SFMBT1: variants seen among roughly 807,000 people sequenced by gnomAD.
SFMBT1 encodes the protein scm-like with four MBT domains protein 1.
A neutral mutation model predicts 108.7 loss-of-function variants in SFMBT1; 32 were observed. That is an observed-to-expected ratio of 0.29 (90% CI 0.22 to 0.40). The LOEUF is 0.40. Among genes scored for constraint, SFMBT1 ranks in the 10% least tolerant of loss-of-function variants. The pLI is 1.00. For missense variants in SFMBT1, 816 were observed against 1,059.6 expected (o/e 0.77, Z 3.19); for synonymous variants, 348 against 369.5 (o/e 0.94, Z 0.67).
rs775989805 is a variant in SFMBT1 at position 52,966,005 on chromosome 3, C to CAAAA, written c.28+3092_28+3095dup. ...TGAGCGACAGAGCAAGACTCCGTTT[C>CAAAA]AAAAAAAAAAAAAAAAAAAAAATAG... On this transcript the variant is annotated intron_variant, in intron 2 of 20. Coordinates refer to ENST00000394752, the MANE Select transcript of SFMBT1 (RefSeq NM_016329.4). Among the ~76,000 whole-genome samples, 29 of 55,036 alleles carry CAAAA rather than the reference C, an allele frequency of 5.3e-4. 1 individual carries two copies. Among genetic ancestry groups the CAAAA allele is most frequent in the African/African-American group, 1.7e-3 (23 of 13,360 alleles). 36.1% of individuals were successfully genotyped at this position (55,036 alleles called of 152,430 possible).
At position 52,995,388 on chromosome 3, in the gene SFMBT1, G is replaced by T. The variant is rs1465780684; in HGVS notation, c.-130-26130C>A. On this transcript the variant is annotated intron_variant, in intron 1 of 20. Transcript: ENST00000394752. Reference sequence around the variant, plus strand: ...ATCTTTCTGAGCTTGGACTGGCAAAGAATTTTTATTTTTATTTTGAGGCAG... The same window carrying T: ...ATCTTTCTGAGCTTGGACTGGCAAATAATTTTTATTTTTATTTTGAGGCAG... Among the ~76,000 whole-genome samples, 8 of 150,156 alleles carry T rather than the reference G, an allele frequency of 5.3e-5. 1 individual carries two copies. Among genetic ancestry groups the T allele is most frequent in the East Asian group, 1.9e-4 (1 of 5,160 alleles).
chr3:53,045,703 A>G (rs1700215468), intron 1 of SFMBT1, 113 bp downstream of exon 1: 1 of 132,902 alleles, frequency 7.5e-6, no homozygotes, highest in Non-Finnish European at 1.6e-5. Context: ...TCCCGTTGGC[A>G]AAGTTGCGCG....
At chr3:52,985,570 G>A (rs1043733599) in intron 1 of SFMBT1, among the ~76,000 whole-genome samples, 4 of 152,090 alleles carry the variant, frequency 2.6e-5, no homozygotes, top group Non-Finnish European at 5.9e-5. Context: ...TTACAGATGA[G>A]GAAAAGTTAA....
intron 4 of SFMBT1, 114 bp from the exon 5 acceptor site, chr3:52,935,015 A>C (rs1702965735): frequency 1.4e-5 from 11 of 784,236 alleles, no homozygotes; most frequent in Non-Finnish European, 2.0e-5. Context: ...CTAAGAGTCC[A>C]ACATACTGCT....
chr3:52,953,433 C>T (rs1199757649), intron 3 of SFMBT1, among the ~76,000 whole-genome samples: 1 of 112,490 alleles, frequency 8.9e-6, no homozygotes, highest in African/African-American at 2.9e-5. Flanking sequence ...CACTGACCCC[C>T]TACCCCCCTC....
intron 1 of SFMBT1, among the ~76,000 whole-genome samples, chr3:53,005,358 G>A (rs887665892): frequency 1.8e-4 from 28 of 152,174 alleles, no homozygotes; most frequent in African/African-American, 5.3e-4. Context: ...CACCCAGGCC[G>A]AAGTGCAGTG....
At chr3:52,940,687 G>A (rs1299740195) in intron 4 of SFMBT1, among the ~76,000 whole-genome samples, 4 of 152,082 alleles carry the variant, frequency 2.6e-5, no homozygotes, top group African/African-American at 9.7e-5. Flanking sequence ...TTTATAAATG[G>A]ATACTAAGAA....
intron 1 of SFMBT1, among the ~76,000 whole-genome samples, chr3:53,004,701 A>C (rs1698679250): frequency 6.7e-6 from 1 of 150,294 alleles, no homozygotes; most frequent in South Asian, 2.1e-4. Context: ...TCTTGTGTAC[A>C]AAGAGAAATG....
chr3:52,918,620 C>T, intron 12 of SFMBT1, 94 bp from the exon 13 acceptor site: 1 of 691,038 alleles, frequency 1.4e-6, no homozygotes, highest in Non-Finnish European at 2.3e-6. Context: ...ATATTTAAAA[C>T]CTGGTTCTGT....
rs1698368870 is a variant in SFMBT1, at chr3:52,997,310, G to A, written c.-130-28052C>T. Among the ~76,000 whole-genome samples, 2 of 149,622 alleles carry A rather than the reference G, an allele frequency of 1.3e-5. 1 individual carries two copies. The highest frequency in any genetic ancestry group is 3.0e-5 in the Non-Finnish European group (2 of 66,808). ...CCCAGCACTTTGGGAGGCCGAGGGG[G>A]GCGGATCACGAGGTCAGGAGATCGG... On this transcript the variant is annotated intron_variant, in intron 1 of 20. Coordinates refer to ENST00000394752, the MANE Select transcript of SFMBT1 (RefSeq NM_016329.4).
At chr3:53,008,063 C>T (rs936633220) in intron 1 of SFMBT1, among the ~76,000 whole-genome samples, 7 of 111,394 alleles carry the variant, frequency 6.3e-5, no homozygotes, top group Non-Finnish European at 1.0e-4. Flanking sequence ...GCTTGCCCCA[C>T]CCCCGCAAAA....
chr3:52,928,040 AC>A, intron 9 of SFMBT1, 150 bp downstream of exon 9: 1 of 911,146 alleles, frequency 1.1e-6, no homozygotes, highest in Non-Finnish European at 1.6e-6. Context: ...TGGAATCTAG[AC>A]CTTTCCTTAT....
At chr3:53,020,785 G>A (rs566763959) in intron 1 of SFMBT1, among the ~76,000 whole-genome samples, 7 of 152,224 alleles carry the variant, frequency 4.6e-5, no homozygotes, top group East Asian at 1.9e-4. Context: ...GGCCGGGTAC[G>A]GTGGTTCACG....
At chr3:52,976,971 T>C (rs757913912) in intron 1 of SFMBT1, among the ~76,000 whole-genome samples, 1 of 152,190 alleles carries the variant, frequency 6.6e-6, no homozygotes, top group East Asian at 1.9e-4. Flanking sequence ...GGAGCACAAA[T>C]GGATATAGCC....
chr3:53,004,463 G>A (rs558184488), intron 1 of SFMBT1, among the ~76,000 whole-genome samples: 1 of 149,728 alleles, frequency 6.7e-6, no homozygotes, highest in Admixed American at 6.8e-5. Flanking sequence ...AGTAGAGAAG[G>A]GGTTTCACCA....
chr3:52,970,484 A>G (rs547845154), intron 1 of SFMBT1, among the ~76,000 whole-genome samples: 2 of 152,238 alleles, frequency 1.3e-5, no homozygotes, highest in Non-Finnish European at 2.9e-5. Context: ...ATACATGTAA[A>G]ATAATCTAAG....
chr3:52,957,603 A>G (rs144421299), intron 2 of SFMBT1, among the ~76,000 whole-genome samples: 1 of 152,332 alleles, frequency 6.6e-6, no homozygotes, highest in East Asian at 1.9e-4. Context: ...CTTGTACAAA[A>G]ACAGACATCC....
intron 5 of SFMBT1, 50 bp downstream of exon 5, chr3:52,934,763 G>A (rs1201509152): frequency 6.8e-7 from 1 of 1,464,530 alleles, no homozygotes; most frequent in Non-Finnish European, 9.4e-7. Flanking sequence ...AAGATTCTTT[G>A]AAAGATCAGA....
intron 4 of SFMBT1, among the ~76,000 whole-genome samples, chr3:52,936,366 A>G (rs1703009589): frequency 6.6e-6 from 1 of 152,230 alleles, no homozygotes; most frequent in Non-Finnish European, 1.5e-5. Flanking sequence ...CACCCTTTAA[A>G]ATAAACAGTT....
Sources: gnomAD v4.1 joint callset for allele counts (sites outside exome capture counted in the v4.1 genomes callset) on GRCh38, gnomAD v4.1.1 for gene constraint, MANE v1.5 for transcripts, NCBI Gene and HGNC (gene_info 2026-07-23, HGNC 2026-07-21) for gene names.